The following HELZ variants were observed in gnomAD, a reference collection of about 807,000 sequenced individuals.
HELZ encodes helicase with zinc finger, also known as ATP-dependent RNA helicase with zinc finger domain.
In HELZ, 23 loss-of-function variants were observed where a neutral mutation model predicts 218.2. The ratio of observed to expected loss-of-function variants is 0.11; its 90% confidence interval spans 0.08 to 0.15. The LOEUF is 0.15. Ranked by LOEUF, HELZ falls within the 10% of genes least tolerant of loss-of-function variation. HELZ has a pLI of 1.00. For missense variants in HELZ, 1,813 were observed against 2,353.7 expected (o/e 0.77, Z 4.75); for synonymous variants, 814 against 829.4 (o/e 0.98, Z 0.32).
chr17:67,099,815 A>G (rs1254093919), intron 31 of HELZ, among the ~76,000 whole-genome samples: 1 of 152,038 alleles, frequency 6.6e-6, no homozygotes. Context: ...TCACCAAGTA[A>G]GAGCTAAATA....
At chr17:67,117,840 C>A (rs548198958) in intron 27 of HELZ, among the ~76,000 whole-genome samples, 1 of 151,760 alleles carries the variant, frequency 6.6e-6, no homozygotes, top group Non-Finnish European at 1.5e-5. Flanking sequence ...CATGAGCCAC[C>A]GTGCTCGGCC....
intron 28 of HELZ, among the ~76,000 whole-genome samples, chr17:67,110,791 C>T (rs2037258312): frequency 6.6e-6 from 1 of 152,198 alleles, no homozygotes; most frequent in Non-Finnish European, 1.5e-5. Flanking sequence ...CAACAGAGAC[C>T]ATGTGGTCCC....
chr17:67,191,763 C>CTTT (rs71139120), intron 9 of HELZ, among the ~76,000 whole-genome samples: 1 of 132,514 alleles, frequency 7.5e-6, no homozygotes, highest in Non-Finnish European at 1.6e-5. Context: ...TGATCATTAA[C>CTTT]TTTTTTTTTT....
chr17:67,132,799 T>C lies in HELZ; in HGVS notation c.3182+3171A>G, dbSNP rs574806088. Among the ~76,000 whole-genome samples the C allele has an allele frequency of 4.6e-5, 7 of 152,348 alleles. No individual in the cohort carries two copies. In the South Asian group the frequency reaches 1.2e-3, roughly 27 times the overall value. The stretch of plus-strand genomic sequence containing the variant: ...ACAACAAAAAAGAATATGTAACTGA[T>C]TGACTTCTGAACTGGTATAATATAC... On this transcript the variant is annotated intron_variant, in intron 23 of 32. Coordinates refer to ENST00000358691, the MANE Select transcript of HELZ (RefSeq NM_014877.4).
intron 21 of HELZ, among the ~76,000 whole-genome samples, chr17:67,142,566 C>T: frequency 6.6e-6 from 1 of 151,990 alleles, no homozygotes; most frequent in Middle Eastern, 3.4e-3. Flanking sequence ...AAATCAAGAT[C>T]CAATAATATG....
intron 15 of HELZ, among the ~76,000 whole-genome samples, chr17:67,164,091 C>T (rs2039068472): frequency 6.6e-6 from 1 of 152,102 alleles, no homozygotes; most frequent in Non-Finnish European, 1.5e-5. Flanking sequence ...TTCTTATGAA[C>T]TTAAATGTGC....
intron 9 of HELZ, among the ~76,000 whole-genome samples, chr17:67,191,994 G>A (rs923704252): frequency 1.1e-4 from 17 of 151,432 alleles, no homozygotes; most frequent in Middle Eastern, 3.4e-3. Flanking sequence ...ACCTGAGGTC[G>A]GGAGTTCAAG....
intron 21 of HELZ, among the ~76,000 whole-genome samples, chr17:67,139,945 AG>A (rs2038271258): frequency 6.6e-6 from 1 of 152,146 alleles, no homozygotes; most frequent in Non-Finnish European, 1.5e-5. Context: ...CTACATAGGG[AG>A]TGGGACAGTG....
chr17:67,137,198 T>C (rs1210729204), intron 22 of HELZ, among the ~76,000 whole-genome samples: 1 of 152,202 alleles, frequency 6.6e-6, no homozygotes, highest in East Asian at 1.9e-4. Flanking sequence ...CAAATCTCAA[T>C]ACAATGCTGA....
At chr17:67,157,211 C>T (rs2038869431) in intron 17 of HELZ, among the ~76,000 whole-genome samples, 1 of 152,112 alleles carries the variant, frequency 6.6e-6, no homozygotes, top group South Asian at 2.1e-4. Flanking sequence ...ATAAATTATC[C>T]AGTCTCAGGT....
chr17:67,215,245 G>A (rs1322344769), intron 5 of HELZ, among the ~76,000 whole-genome samples: 2 of 152,092 alleles, frequency 1.3e-5, no homozygotes. Flanking sequence ...GACATTTTAG[G>A]AGGGACAGGC....
At chr17:67,100,195 C>T (rs1289416408) in intron 31 of HELZ, among the ~76,000 whole-genome samples, 2 of 152,062 alleles carry the variant, frequency 1.3e-5, no homozygotes, top group South Asian at 4.1e-4. Flanking sequence ...GATTAGACAA[C>T]AGTATGTTGA....
intron 11 of HELZ, among the ~76,000 whole-genome samples, 172 bp downstream of exon 11, chr17:67,189,417 T>C (rs1235533323): frequency 6.6e-6 from 1 of 152,192 alleles, no homozygotes; most frequent in Non-Finnish European, 1.5e-5. Context: ...TTTAAAATTG[T>C]ACTTTTAATG....
At position 67,086,918 on chromosome 17, in the gene HELZ, T is replaced by A. The variant is rs1458798655; in HGVS notation, c.5405A>T (p.Glu1802Val). The part of the protein sequence containing the change: ...NQSSFNFSSP[E>V]SWVNTTSSTP... ...AGATGAGGTGGTGTTTACCCAGGAC[T>A]CCGGGGATGAAAAGTTGAAAGAAGA... is the stretch of plus-strand genomic sequence containing the variant. The change falls in exon 32 of 33, where the codon GAG becomes GTG. Residue 1802 changes from glutamate to valine, a missense_variant. Around this residue, in one of 4 missense-constraint regions of HELZ, gnomAD observed 938 missense variants for 1,027.5 expected, o/e 0.91. Transcript: ENST00000358691. The A allele has an allele frequency of 1.9e-6, 3 of 1,612,994 alleles. No homozygotes were observed. The highest frequency in any genetic ancestry group is 2.5e-6 in the Non-Finnish European group (3 of 1,179,804).
In HELZ at chr17:67,149,911, C is replaced by T. The variant is rs749596359; in HGVS notation, c.2431G>A (p.Ala811Thr). 1.2e-6 allele frequency: 2 copies of T among 1,611,204 alleles called. No individual in the cohort carries two copies. Among genetic ancestry groups the T allele is most frequent in the South Asian group, 1.1e-5 (1 of 90,704 alleles). The change falls in exon 19 of 33, where the codon GCA becomes ACA. Residue 811 changes from alanine to threonine, a missense_variant. Around this residue, in one of 4 missense-constraint regions of HELZ, gnomAD observed 714 missense variants for 1,029.2 expected, o/e 0.69. Transcript: ENST00000358691. ...AAGACAATCCGAGTGTTTTGAGTTG[C>T]TAATGCTAGAGGCATAATGGTTTCA... Reference protein sequence around the residue: ...ECETIMPLALATQNTRIVLAG... With the variant: ...ECETIMPLALTTQNTRIVLAG...
At chr17:67,119,867 A>G (rs2143818701) in intron 27 of HELZ, 1 of 376,850 alleles carries the variant, frequency 2.7e-6, no homozygotes. Flanking sequence ...AGTGACACCA[A>G]TCATAAGTGG....
intron 32 of HELZ, among the ~76,000 whole-genome samples, chr17:67,084,339 A>G (rs1353569891): frequency 6.6e-6 from 1 of 152,256 alleles, no homozygotes; most frequent in Non-Finnish European, 1.5e-5. Context: ...TATTAATTTC[A>G]GCAAAAAGCT....
intron 20 of HELZ, among the ~76,000 whole-genome samples, chr17:67,146,938 C>T (rs1220938619): frequency 2.0e-5 from 3 of 152,110 alleles, no homozygotes; most frequent in African/African-American, 4.8e-5. Flanking sequence ...ACATGCTGCA[C>T]GCAGGTGGTG....
At position 67,120,570 on chromosome 17, in the gene HELZ, G is replaced by C. The variant is rs773990941; in HGVS notation, c.3673C>G (p.Arg1225Gly). ...GYQGRFAVDP[R>G]IITHQAAMAY... Reference sequence around the variant, plus strand: ...ATTGCTGCCTGATGTGTAATAATTCGAGGATCAACTGCAAACCTACCCTGG... The same window carrying C: ...ATTGCTGCCTGATGTGTAATAATTCCAGGATCAACTGCAAACCTACCCTGG... The change falls in exon 27 of 33, where the codon CGA becomes GGA. Residue 1225 changes from arginine (R) to glycine (G), a missense_variant. Transcript: ENST00000358691. 1 of 1,613,054 alleles carries C rather than the reference G, an allele frequency of 6.2e-7. No individual in the cohort carries two copies. Among genetic ancestry groups the C allele is most frequent in the Non-Finnish European group, 8.5e-7 (1 of 1,179,890 alleles).
Sources: allele counts gnomAD v4.1 joint callset (sites outside exome capture counted in the v4.1 genomes callset), GRCh38; gene constraint gnomAD v4.1.1; regional missense constraint gnomAD v4.1.1; transcripts MANE v1.5; gene names NCBI Gene and HGNC (gene_info 2026-07-23, HGNC 2026-07-21).